Variants in TNRC6B observed in about 807,000 individuals in gnomAD.
TNRC6B encodes the protein trinucleotide repeat containing adaptor 6B, also known as trinucleotide repeat-containing gene 6B protein.
TNRC6B carries 52 observed loss-of-function variants against 203.6 expected under a neutral mutation model. That is an observed-to-expected ratio of 0.26 (90% CI 0.20 to 0.32). The LOEUF (loss-of-function observed/expected upper bound fraction) is 0.32, where lower values mean the gene tolerates loss of function less well. Ranked by LOEUF, TNRC6B falls within the 10% of genes least tolerant of loss-of-function variation. The pLI is 1.00. For missense variants in TNRC6B, 1,923 were observed against 2,286.2 expected, an observed-to-expected ratio of 0.84 and a Z score of 3.24; for synonymous variants, 838 against 845.7, an observed-to-expected ratio of 0.99 and a Z score of 0.16.
chr22:40,224,131 C>G (rs915199708), intron 1 of TNRC6B, among the ~76,000 whole-genome samples: 2 of 152,030 alleles, frequency 1.3e-5, no homozygotes, highest in Non-Finnish European at 2.9e-5. Flanking sequence ...CTCAGCCTCT[C>G]GTAGCTGGGA....
At chr22:40,131,871 T>G (rs1178563164) in intron 3 of TNRC6B, among the ~76,000 whole-genome samples, 1 of 152,248 alleles carries the variant, frequency 6.6e-6, no homozygotes, top group Admixed American at 6.5e-5. Flanking sequence ...ATGTAAAACT[T>G]CAGATGCCTC....
chr22:40,192,743 T>C (rs1459019686), intron 1 of TNRC6B, among the ~76,000 whole-genome samples: 2 of 152,018 alleles, frequency 1.3e-5, no homozygotes, highest in Non-Finnish European at 2.9e-5. Flanking sequence ...ATGCCACAAA[T>C]TGGGGTAGGC....
At chr22:40,099,205 G>A (rs868674350) in intron 1 of TNRC6B, among the ~76,000 whole-genome samples, 39 of 150,804 alleles carry the variant, frequency 2.6e-4, no homozygotes, top group African/African-American at 9.1e-4. Context: ...AGCTGAGATC[G>A]CGTGCACCAC....
intron 1 of TNRC6B, among the ~76,000 whole-genome samples, chr22:40,075,669 T>A (rs2068006901): frequency 6.6e-6 from 1 of 152,202 alleles, no homozygotes; most frequent in South Asian, 2.1e-4. Flanking sequence ...GTTTGTTTTC[T>A]ATTTATCCCA....
chr22:40,185,377 T>C (rs2146386139), intron 1 of TNRC6B, among the ~76,000 whole-genome samples: 1 of 152,314 alleles, frequency 6.6e-6, no homozygotes, highest in East Asian at 1.9e-4. Context: ...TTCAGTGCTA[T>C]TAAGGGAATA....
At chr22:40,047,868 G>A (rs1379920188) in intron 1 of TNRC6B, among the ~76,000 whole-genome samples, 1 of 152,114 alleles carries the variant, frequency 6.6e-6, no homozygotes, top group Non-Finnish European at 1.5e-5. Context: ...GCACATAGTG[G>A]GAACACAGAA....
At chr22:40,276,156 G>A (rs1375841406) in intron 7 of TNRC6B, among the ~76,000 whole-genome samples, 1 of 151,924 alleles carries the variant, frequency 6.6e-6, no homozygotes, top group African/African-American at 2.4e-5. Flanking sequence ...GACCATCCTG[G>A]CTAGCATGGT....
At chr22:40,250,573 A>G (rs1416524295) in intron 2 of TNRC6B, among the ~76,000 whole-genome samples, 2 of 152,186 alleles carry the variant, frequency 1.3e-5, no homozygotes, top group Non-Finnish European at 2.9e-5. Context: ...GCAAACATTT[A>G]TTGAGCACTG....
chr22:40,061,484 A>G (rs1434336924), intron 1 of TNRC6B, among the ~76,000 whole-genome samples: 1 of 151,876 alleles, frequency 6.6e-6, no homozygotes. Context: ...CGGCCTTCCA[A>G]AGTGCTAGGA....
At chr22:40,080,808 T>C (rs953089358) in intron 1 of TNRC6B, among the ~76,000 whole-genome samples, 2 of 152,000 alleles carry the variant, frequency 1.3e-5, no homozygotes, top group Non-Finnish European at 1.5e-5. Context: ...GCCTTCAGAG[T>C]GTTTCATGTA....
chr22:40,222,864 G>T (rs2146438466), intron 1 of TNRC6B, among the ~76,000 whole-genome samples: 1 of 147,046 alleles, frequency 6.8e-6, no homozygotes, highest in African/African-American at 2.5e-5. Flanking sequence ...GCCTGCCTCA[G>T]CCTTGTGAGT....
chr22:40,261,710 ACC>A, intron 3 of TNRC6B, 120 bp from the exon 4 acceptor site: 4 of 881,788 alleles, frequency 4.5e-6, no homozygotes, highest in Admixed American at 7.1e-5. Context: ...CGAGTTCAAG[ACC>A]AGCATGGGCA....
chr22:40,280,216 G>T, intron 10 of TNRC6B, 73 bp downstream of exon 10: 1 of 1,431,780 alleles, frequency 7.0e-7, no homozygotes, highest in Non-Finnish European at 9.6e-7. Flanking sequence ...TTTGATAACT[G>T]ATTCTAGAGG....
chr22:40,064,173 A>G (rs1259773636), intron 1 of TNRC6B, among the ~76,000 whole-genome samples: 1 of 152,200 alleles, frequency 6.6e-6, no homozygotes, highest in African/African-American at 2.4e-5. Flanking sequence ...TTTTCTTTAT[A>G]CAGGATCATG....
chr22:40,315,220 T>TGTCC, intron 19 of TNRC6B, 63 bp from the exon 20 acceptor site: 2 of 1,318,508 alleles, frequency 1.5e-6, no homozygotes, highest in Non-Finnish European at 2.2e-6. Context: ...AAAACTCATG[T>TGTCC]GTATTTGTCA....
chr22:40,301,182 G>C lies in TNRC6B; in HGVS notation c.3969G>C (p.Gln1323His). The change falls in exon 15 of 23, where the codon CAG becomes CAC. Residue 1323 changes from glutamine to histidine, a missense_variant. By Grantham distance (24) the Gln-to-His change is conservative. Transcript: ENST00000454349. ...LARMVSALQQ[Q>H]QQQQQRQPGM... ...GAATGGTGAGTGCACTGCAGCAGCA[G>C]CAGCAGCAGCAGCAGAGGCAGCCAG... 1 of 1,552,032 alleles carries C rather than the reference G, an allele frequency of 6.4e-7. No homozygotes were observed. Among genetic ancestry groups the C allele is most frequent in the Non-Finnish European group, 8.7e-7 (1 of 1,146,828 alleles).
chr22:40,166,787 C>G (rs1206483012), intron 4 of TNRC6B, among the ~76,000 whole-genome samples: 1 of 151,602 alleles, frequency 6.6e-6, no homozygotes, highest in African/African-American at 2.4e-5. Context: ...CCCAGCTACT[C>G]AGGAGGCTAA....
intron 1 of TNRC6B, among the ~76,000 whole-genome samples, chr22:40,089,261 C>A (rs183418672): frequency 2.6e-5 from 4 of 151,638 alleles, no homozygotes; most frequent in Admixed American, 2.6e-4. Flanking sequence ...GAGATGAAAT[C>A]TCACTTTGTC....
chr22:40,216,448 A>G (rs559821187), intron 1 of TNRC6B, among the ~76,000 whole-genome samples: 1 of 152,094 alleles, frequency 6.6e-6, no homozygotes, highest in Non-Finnish European at 1.5e-5. Context: ...GGCACATTAT[A>G]TATGCTCGAT....
Sources: allele counts gnomAD v4.1 joint callset (sites outside exome capture counted in the v4.1 genomes callset), GRCh38; gene constraint gnomAD v4.1.1; transcripts MANE v1.5; gene names NCBI Gene and HGNC (gene_info 2026-07-23, HGNC 2026-07-21).